Variants in KATNIP observed in about 807,000 individuals in gnomAD.
KATNIP encodes the protein katanin-interacting protein.
Under a neutral mutation model 174.0 loss-of-function variants are expected in KATNIP, and 126 were observed. That is an observed-to-expected ratio of 0.72 (90% CI 0.63 to 0.84). KATNIP has a LOEUF of 0.84. Ranked by LOEUF, KATNIP falls within the 40% of genes least tolerant of loss-of-function variation. The pLI is 0.00. For synonymous variants in KATNIP, 810 were observed against 835.7 expected, an observed-to-expected ratio of 0.97 and a Z score of 0.53; for missense variants, 1,958 against 2,109.7, an observed-to-expected ratio of 0.93 and a Z score of 1.41.
chr16:27,725,588 C>G (rs913145808), intron 14 of KATNIP, among the ~76,000 whole-genome samples: 1 of 152,210 alleles, frequency 6.6e-6, no homozygotes, highest in Non-Finnish European at 1.5e-5. Flanking sequence ...TTGTCTTTCT[C>G]TGGTTTTTCA....
chr16:27,774,711 G>T (rs1367749964), intron 23 of KATNIP, among the ~76,000 whole-genome samples: 1 of 152,160 alleles, frequency 6.6e-6, no homozygotes, highest in East Asian at 1.9e-4. Context: ...CCTTCTGTGT[G>T]GTTTCCTTCT....
At position 27,566,677 on chromosome 16, in the gene KATNIP, A is replaced by G. The variant is rs1198562142; in HGVS notation, c.8-7224A>G. ...AGCATACTGGGTCAGCCGTTGGACT[A>G]ATGGGTTGCTAACCCTTCCTTGCTT... On this transcript the variant is annotated intron_variant, in intron 1 of 27. Transcript: ENST00000261588. 3.9e-5 allele frequency among the ~76,000 whole-genome samples: 6 copies of G among 152,230 alleles called. No homozygotes were observed. The East Asian group carries it at 9.7e-4, about 24-fold the overall frequency.
intron 14 of KATNIP, among the ~76,000 whole-genome samples, chr16:27,739,134 G>A (rs2081009196): frequency 6.6e-6 from 1 of 152,168 alleles, no homozygotes; most frequent in African/African-American, 2.4e-5. Context: ...AGAGACCCTG[G>A]TGGCCTGGGC....
At chr16:27,743,174 G>C (rs1018058522) in intron 15 of KATNIP, among the ~76,000 whole-genome samples, 1 of 152,176 alleles carries the variant, frequency 6.6e-6, no homozygotes, top group African/African-American at 2.4e-5. Flanking sequence ...CCATGTCCCT[G>C]CAAAGGACAT....
rs544944638 is a variant in KATNIP, at chr16:27,709,343, C to T, written c.1605+423C>T. ...CTCTAAAAAAAAAAAAAAAATAGGCCGGGTATGGTGGCTCACACCTGTAAT... is the reference window on the plus strand; with the variant it reads ...CTCTAAAAAAAAAAAAAAAATAGGCTGGGTATGGTGGCTCACACCTGTAAT... On this transcript the variant is annotated intron_variant, in intron 13 of 27. Coordinates refer to ENST00000261588, the MANE Select transcript of KATNIP (RefSeq NM_015202.5). Among the ~76,000 whole-genome samples the T allele has an allele frequency of 2.4e-3, 359 of 151,270 alleles. 1 individual carries two copies. Among genetic ancestry groups the T allele is most frequent in the African/African-American group, 8.4e-3 (344 of 41,144 alleles).
At chr16:27,752,221 A>T (rs1278225401) in intron 17 of KATNIP, among the ~76,000 whole-genome samples, 1 of 151,222 alleles carries the variant, frequency 6.6e-6, no homozygotes, top group East Asian at 1.9e-4. Flanking sequence ...GTCTGGGGGG[A>T]GTTTTTGCTT....
At position 27,672,948 on chromosome 16, in the gene KATNIP, T is replaced by C. The variant is rs959632546; in HGVS notation, c.541-4781T>C. On this transcript the variant is annotated intron_variant, in intron 6 of 27. Coordinates refer to ENST00000261588, the MANE Select transcript of KATNIP (RefSeq NM_015202.5). Reference sequence around the variant, plus strand: ...TGCCTTAGACATCAGTTGGGACAATTTGGGGCCCTGGAACTGAGATTTCCT... The same window carrying C: ...TGCCTTAGACATCAGTTGGGACAATCTGGGGCCCTGGAACTGAGATTTCCT... 3.3e-5 allele frequency among the ~76,000 whole-genome samples: 5 copies of C among 152,102 alleles called. No individual in the cohort carries two copies. The East Asian group carries it at 7.7e-4, about 23-fold the overall frequency.
chr16:27,727,188 T>C, intron 14 of KATNIP: 1 of 197,264 alleles, frequency 5.1e-6, no homozygotes, highest in Non-Finnish European at 1.1e-5. Flanking sequence ...GGATGTTTGT[T>C]TGTTTGTTTG....
chr16:27,642,546 AC>A (rs1452216443), intron 5 of KATNIP, among the ~76,000 whole-genome samples: 1 of 151,954 alleles, frequency 6.6e-6, no homozygotes, highest in Admixed American at 6.6e-5. Flanking sequence ...GGGCCTGGAA[AC>A]CCCCGGTTTT....
intron 2 of KATNIP, among the ~76,000 whole-genome samples, chr16:27,580,051 C>T (rs1445549533): frequency 6.6e-6 from 1 of 152,130 alleles, no homozygotes; most frequent in Non-Finnish European, 1.5e-5. Context: ...CTTCAGTGTG[C>T]AACCACAGAC....
intron 8 of KATNIP, among the ~76,000 whole-genome samples, chr16:27,692,493 C>T (rs937081674): frequency 2.0e-5 from 3 of 152,124 alleles, no homozygotes; most frequent in Non-Finnish European, 4.4e-5. Flanking sequence ...GAACTGAGCC[C>T]GCAACCTCTC....
intron 11 of KATNIP, among the ~76,000 whole-genome samples, chr16:27,702,889 C>T (rs1246064394): frequency 6.6e-6 from 1 of 151,980 alleles, no homozygotes; most frequent in Admixed American, 6.6e-5. Flanking sequence ...AAAGGCCGCC[C>T]GGTGCAGTGG....
Position 27,740,309 on chromosome 16 carries a change from T to C in KATNIP, c.2012T>C (p.Leu671Pro). The change falls in exon 15 of 28, where the codon CTT (leucine) becomes CCT (proline). Residue 671 changes from leucine (L) to proline (P), a missense_variant. This residue lies in a region of KATNIP where 1,557 missense variants were observed against 1,617.8 expected (regional missense o/e 0.96). Transcript: ENST00000261588. ...PPAETLADAK[L>P]SSQGNVSGKR... ...GCTGAAACATTAGCGGATGCAAAGC[T>C]TTCTTCACAAGGAAATGTGTCTGGC... 1 of 1,614,220 alleles carries C rather than the reference T, an allele frequency of 6.2e-7. No homozygotes were observed. The highest frequency in any genetic ancestry group is 2.2e-5 in the East Asian group (1 of 44,878).
intron 11 of KATNIP, 59 bp downstream of exon 11, chr16:27,701,754 T>G: frequency 8.7e-7 from 1 of 1,152,870 alleles, no homozygotes; most frequent in Non-Finnish European, 1.3e-6. Context: ...ATGGGGATCT[T>G]CTTCATGAGG....
chr16:27,619,518 G>A (rs1359540261), intron 3 of KATNIP, among the ~76,000 whole-genome samples: 1 of 152,168 alleles, frequency 6.6e-6, no homozygotes, highest in Non-Finnish European at 1.5e-5. Flanking sequence ...GGGTAGGGAG[G>A]TGTCATCCTG....
chr16:27,736,888 A>G (rs2080917921), intron 14 of KATNIP, among the ~76,000 whole-genome samples: 1 of 152,216 alleles, frequency 6.6e-6, no homozygotes, highest in African/African-American at 2.4e-5. Flanking sequence ...TGGCCCAGGC[A>G]GCAGCACACG....
chr16:27,612,556 C>T (rs913369707), intron 2 of KATNIP, among the ~76,000 whole-genome samples: 21 of 151,930 alleles, frequency 1.4e-4, no homozygotes, highest in South Asian at 4.1e-4. Flanking sequence ...GTCAGGAGTT[C>T]GAGACCAGCC....
chr16:27,696,994 G>A (rs970574925), intron 8 of KATNIP, among the ~76,000 whole-genome samples: 16 of 152,192 alleles, frequency 1.1e-4, no homozygotes, highest in East Asian at 9.7e-4. Context: ...CTCCCAAAGC[G>A]CTGAGATTAC....
chr16:27,762,346 G>A (rs2081983064), intron 19 of KATNIP, among the ~76,000 whole-genome samples: 2 of 152,158 alleles, frequency 1.3e-5, no homozygotes. Flanking sequence ...CAGTTTTTGA[G>A]CACTTATTAA....
Sources: gnomAD v4.1 joint callset for allele counts (sites outside exome capture counted in the v4.1 genomes callset) on GRCh38, gnomAD v4.1.1 for gene constraint, gnomAD v4.1.1 regional missense constraint, MANE v1.5 for transcripts, NCBI Gene and HGNC (gene_info 2026-07-23, HGNC 2026-07-21) for gene names.